Variants in LINGO2 observed in about 807,000 individuals in gnomAD.
LINGO2 encodes the protein leucine-rich repeat and immunoglobulin-like domain-containing nogo receptor-interacting protein 2.
A neutral mutation model predicts 30.6 loss-of-function variants in LINGO2; 14 were observed. The ratio of observed to expected loss-of-function variants is 0.46; its 90% CI spans 0.30 to 0.72. The LOEUF (loss-of-function observed/expected upper bound fraction) is 0.72. Among genes scored for constraint, LINGO2 ranks in the 30% least tolerant of loss-of-function variants. The pLI is 0.07. For missense variants in LINGO2, 729 were observed against 751.7 expected, an observed-to-expected ratio of 0.97 and a Z score of 0.35; for synonymous variants, 317 against 288.5, an observed-to-expected ratio of 1.10 and a Z score of -1.00.
intron 1 of LINGO2, among the ~76,000 whole-genome samples, chr9:28,483,896 C>T (rs1483743544): frequency 1.3e-5 from 2 of 151,878 alleles, no homozygotes; most frequent in Admixed American, 1.3e-4. Flanking sequence ...CTATTTCCTT[C>T]ATGTAGATCA....
chr9:28,487,991 C>G (rs1419841077), intron 1 of LINGO2, among the ~76,000 whole-genome samples: 2 of 152,130 alleles, frequency 1.3e-5, no homozygotes, highest in African/African-American at 4.8e-5. Context: ...AGTATACACA[C>G]ATGTATACTC....
At chr9:28,400,350 C>T (rs567065806) in intron 2 of LINGO2, among the ~76,000 whole-genome samples, 21 of 152,132 alleles carry the variant, frequency 1.4e-4, no homozygotes, top group African/African-American at 4.8e-4. Context: ...CTGTGAGAGT[C>T]AATTATGAAC....
chr9:28,620,856 C>A (rs1002565947), intron 1 of LINGO2, among the ~76,000 whole-genome samples: 1 of 151,850 alleles, frequency 6.6e-6, no homozygotes, highest in Non-Finnish European at 1.5e-5. Context: ...GGGAGAGGAT[C>A]AGGAAAAACA....
At chr9:28,361,179 T>C (rs995103529) in intron 3 of LINGO2, among the ~76,000 whole-genome samples, 1 of 152,228 alleles carries the variant, frequency 6.6e-6, no homozygotes, top group Admixed American at 6.5e-5. Flanking sequence ...GGTAAAGCAG[T>C]TCTTGTATTG....
chr9:28,764,708 A>G, the LINGO2 span, among the ~76,000 whole-genome samples: 1 of 151,948 alleles, frequency 6.6e-6, no homozygotes, highest in Admixed American at 6.6e-5. Flanking sequence ...AAGAAGTAAA[A>G]CCATCCCTGT....
At chr9:28,886,682 T>C in the LINGO2 span, among the ~76,000 whole-genome samples, 1 of 152,270 alleles carries the variant, frequency 6.6e-6, no homozygotes, top group South Asian at 2.1e-4. Context: ...AGTCTGTTTT[T>C]CTCTCTATGT....
chr9:28,488,588 A>G (rs544033779), intron 1 of LINGO2, among the ~76,000 whole-genome samples: 2 of 152,278 alleles, frequency 1.3e-5, no homozygotes, highest in South Asian at 4.1e-4. Flanking sequence ...ACCCTTTCTC[A>G]TTTGCAAAAT....
At chr9:28,596,634 A>C (rs999353175) in intron 1 of LINGO2, among the ~76,000 whole-genome samples, 4 of 152,190 alleles carry the variant, frequency 2.6e-5, no homozygotes, top group African/African-American at 9.7e-5. Flanking sequence ...TTTGTAGTAC[A>C]TTTAAGACCT....
At chr9:28,364,599 G>A (rs911679372) in intron 3 of LINGO2, among the ~76,000 whole-genome samples, 15 of 152,042 alleles carry the variant, frequency 9.9e-5, no homozygotes, top group African/African-American at 2.4e-5. Flanking sequence ...TTTAAATTGT[G>A]TTCACTCTTG....
At chr9:28,998,371 C>A in the LINGO2 span, among the ~76,000 whole-genome samples, 2 of 152,068 alleles carry the variant, frequency 1.3e-5, no homozygotes, top group Non-Finnish European at 2.9e-5. Context: ...AGATCTGATT[C>A]AATGCCATGT....
At chr9:28,339,047 C>T (rs1825681030) in intron 3 of LINGO2, among the ~76,000 whole-genome samples, 1 of 152,068 alleles carries the variant, frequency 6.6e-6, no homozygotes. Flanking sequence ...AGCATGCTCT[C>T]TAAGCATGAA....
the LINGO2 span, among the ~76,000 whole-genome samples, chr9:29,082,092 T>C: frequency 6.6e-6 from 1 of 151,986 alleles, no homozygotes; most frequent in African/African-American, 2.4e-5. Flanking sequence ...AAAGTTCATA[T>C]GGAACCAAAA....
At chr9:28,016,842 C>G (rs7022605) in intron 4 of LINGO2, among the ~76,000 whole-genome samples, 35,810 of 151,838 alleles carry the variant, frequency 0.24, 4,328 homozygotes, top group South Asian at 0.3. Flanking sequence ...CTCATTCTAT[C>G]AAATCAGGAA....
At chr9:28,392,742 C>A in intron 2 of LINGO2, among the ~76,000 whole-genome samples, 1 of 152,278 alleles carries the variant, frequency 6.6e-6, no homozygotes, top group East Asian at 1.9e-4. Flanking sequence ...AGCTATAAAT[C>A]ACCTTATTAC....
At chr9:28,513,175 C>G (rs1006332856) in intron 1 of LINGO2, among the ~76,000 whole-genome samples, 8 of 151,712 alleles carry the variant, frequency 5.3e-5, no homozygotes, top group Non-Finnish European at 1.0e-4. Flanking sequence ...TTGCAACAAA[C>G]AGGCAAAAAA....
At chr9:28,875,225 C>A in the LINGO2 span, among the ~76,000 whole-genome samples, 3 of 152,080 alleles carry the variant, frequency 2.0e-5, no homozygotes, top group Non-Finnish European at 4.4e-5. Flanking sequence ...ACTTACATCT[C>A]TAAATGTTTA....
At chr9:27,954,441 T>C (rs929564734) in intron 5 of LINGO2, among the ~76,000 whole-genome samples, 2 of 152,202 alleles carry the variant, frequency 1.3e-5, no homozygotes, top group African/African-American at 2.4e-5. Context: ...AGTGAGAACA[T>C]GTGATACTGT....
At chr9:28,532,287 T>A (rs1821263940) in intron 1 of LINGO2, among the ~76,000 whole-genome samples, 1 of 152,168 alleles carries the variant, frequency 6.6e-6, no homozygotes, top group South Asian at 2.1e-4. Flanking sequence ...AGGTTTCATA[T>A]CAGCAAATCA....
At chr9:29,071,737 A>T in the LINGO2 span, among the ~76,000 whole-genome samples, 1 of 151,262 alleles carries the variant, frequency 6.6e-6, no homozygotes, top group East Asian at 2.0e-4. Flanking sequence ...AGAGATGGAC[A>T]TCAGTCAGTG....
Sources: allele counts gnomAD v4.1 joint callset (sites outside exome capture counted in the v4.1 genomes callset), GRCh38; gene constraint gnomAD v4.1.1; transcripts MANE v1.5; gene names NCBI Gene and HGNC (gene_info 2026-07-23, HGNC 2026-07-21).